Variants in POPDC1 observed in about 807,000 individuals in gnomAD.
The protein encoded by POPDC1 is popeye domain cAMP effector 1, also known as popeye domain-containing protein 1.
chr6:105,125,526 A>T, the POPDC1 span: 1 of 1,614,160 alleles, frequency 6.2e-7, no homozygotes, highest in Non-Finnish European at 8.5e-7. Flanking sequence ...AGGCACACGG[A>T]GTGGTTCAAA....
the POPDC1 span, among the ~76,000 whole-genome samples, chr6:105,134,591 T>C: frequency 6.6e-6 from 1 of 152,190 alleles, no homozygotes. Flanking sequence ...CAATTAATCT[T>C]ACTCTTCTAC....
At chr6:105,102,435 G>C in the POPDC1 span, among the ~76,000 whole-genome samples, 2 of 152,196 alleles carry the variant, frequency 1.3e-5, no homozygotes, top group South Asian at 4.1e-4. Context: ...GCTCCTGGAG[G>C]GAGGCTGAGA....
At chr6:105,124,722 C>T in the POPDC1 span, 1 of 1,136,730 alleles carries the variant, frequency 8.8e-7, no homozygotes, top group South Asian at 1.3e-5. Flanking sequence ...CTTAAAACTG[C>T]TATCATCTTA....
the POPDC1 span, among the ~76,000 whole-genome samples, chr6:105,130,011 A>G: frequency 6.6e-6 from 1 of 152,210 alleles, no homozygotes; most frequent in Non-Finnish European, 1.5e-5. Context: ...TGACCAAAAA[A>G]ACCCCAAATA....
chr6:105,133,352 C>T, the POPDC1 span: 1 of 1,608,320 alleles, frequency 6.2e-7, no homozygotes, highest in Non-Finnish European at 8.5e-7. Flanking sequence ...GGTATCTTAC[C>T]TAGAGTTAAC....
chr6:105,116,463 C>G, the POPDC1 span, among the ~76,000 whole-genome samples: 4 of 152,156 alleles, frequency 2.6e-5, no homozygotes, highest in South Asian at 2.1e-4. Flanking sequence ...CCTTAAAATG[C>G]TCTTGATGAA....
chr6:105,105,784 C>T, the POPDC1 span, among the ~76,000 whole-genome samples: 4 of 152,166 alleles, frequency 2.6e-5, no homozygotes, highest in South Asian at 2.1e-4. Flanking sequence ...GCCCAGAGGC[C>T]CAACTATCTT....
the POPDC1 span, chr6:105,116,696 CTTACT>C: frequency 9.6e-6 from 15 of 1,569,014 alleles, no homozygotes; most frequent in Non-Finnish European, 1.3e-5. Context: ...TCAGAGAACA[CTTACT>C]TTATCATTTA....
the POPDC1 span, among the ~76,000 whole-genome samples, chr6:105,132,224 C>A: frequency 6.6e-6 from 1 of 152,196 alleles, no homozygotes; most frequent in Non-Finnish European, 1.5e-5. Flanking sequence ...CCTCGGCCTA[C>A]CACAGTGCTG....
the POPDC1 span, among the ~76,000 whole-genome samples, chr6:105,114,720 C>G: frequency 1.3e-5 from 2 of 152,124 alleles, no homozygotes; most frequent in African/African-American, 4.8e-5. Flanking sequence ...TACTAATTTT[C>G]AACATCTGGG....
the POPDC1 span, among the ~76,000 whole-genome samples, chr6:105,104,605 C>T: frequency 6.6e-6 from 1 of 152,116 alleles, no homozygotes; most frequent in South Asian, 2.1e-4. Context: ...GCAGGCAGGC[C>T]TCAGGGTCCA....
chr6:105,130,794 G>A, the POPDC1 span, among the ~76,000 whole-genome samples: 1 of 152,118 alleles, frequency 6.6e-6, no homozygotes, highest in Non-Finnish European at 1.5e-5. Context: ...TGGAAAAGGT[G>A]AACATGTGGT....
the POPDC1 span, chr6:105,099,322 G>C: frequency 1.3e-5 from 2 of 152,150 alleles, no homozygotes; most frequent in Admixed American, 6.5e-5. Context: ...AGGAAAATGA[G>C]GTGACCCTAG....
chr6:105,121,173 A>T, the POPDC1 span, among the ~76,000 whole-genome samples: 3 of 152,194 alleles, frequency 2.0e-5, no homozygotes, highest in African/African-American at 7.2e-5. Flanking sequence ...GCAGCATGAG[A>T]TAGAATACAA....
chr6:105,125,660 T>C, the POPDC1 span: 3 of 1,361,604 alleles, frequency 2.2e-6, no homozygotes, highest in Non-Finnish European at 3.1e-6. Context: ...AATATGGTTT[T>C]GATAATTAAC....
At chr6:105,096,905 T>A in the POPDC1 span, 6 of 152,782 alleles carry the variant, frequency 3.9e-5, no homozygotes, top group South Asian at 1.2e-3. Context: ...ACAAAAAGCA[T>A]CTTTTTATAA....
At chr6:105,103,145 CT>C in the POPDC1 span, among the ~76,000 whole-genome samples, 2,236 of 152,280 alleles carry the variant, frequency 0.015, 59 homozygotes, top group African/African-American at 0.051. Context: ...CAAGTTACTT[CT>C]TTGTGCCTTA....
the POPDC1 span, among the ~76,000 whole-genome samples, chr6:105,120,578 C>T: frequency 6.6e-6 from 1 of 152,284 alleles, no homozygotes; most frequent in South Asian, 2.1e-4. Flanking sequence ...AATACGGCAA[C>T]AGAATACATA....
chr6:105,110,987 G>C, the POPDC1 span, among the ~76,000 whole-genome samples: 1 of 152,176 alleles, frequency 6.6e-6, no homozygotes, highest in Non-Finnish European at 1.5e-5. Context: ...TACCTGGCCA[G>C]TGTAGTACTG....
Sources: allele counts gnomAD v4.1 joint callset (sites outside exome capture counted in the v4.1 genomes callset), GRCh38; gene constraint gnomAD v4.1.1; transcripts MANE v1.5; gene names NCBI Gene and HGNC (gene_info 2026-07-23, HGNC 2026-07-21).